TVP23C: variants seen among roughly 807,000 people sequenced by gnomAD.
TVP23C encodes the protein trans-golgi network vesicle protein 23 homolog C, also known as Golgi apparatus membrane protein TVP23 homolog C.
In TVP23C, 19 loss-of-function variants were observed where a neutral mutation model predicts 28.7. That is an observed-to-expected ratio of 0.66 (90% CI 0.46 to 0.97). The LOEUF (loss-of-function observed/expected upper bound fraction) is 0.97. Among genes scored for constraint, TVP23C ranks in the 50% least tolerant of loss-of-function variants. TVP23C has a pLI of 0.00. For synonymous variants in TVP23C, 68 were observed against 81.7 expected (o/e 0.83, Z 0.90); for missense variants, 186 against 241.3 (o/e 0.77, Z 1.52).
At chr17:15,557,727 C>T (rs1173191502) in intron 1 of TVP23C, among the ~76,000 whole-genome samples, 1 of 140,758 alleles carries the variant, frequency 7.1e-6, no homozygotes, top group African/African-American at 2.5e-5. Flanking sequence ...GTGATCAGGG[C>T]TGAGAAATCT....
At chr17:15,558,235 T>G (rs1314544978) in intron 1 of TVP23C, among the ~76,000 whole-genome samples, 1 of 144,522 alleles carries the variant, frequency 6.9e-6, no homozygotes, top group Admixed American at 7.1e-5. Context: ...CCAGGGAGAC[T>G]TTTTCACATC....
chr17:15,524,063 G>GGGGTGTGTGTGTGTGTGTGT (rs1216462843), intron 5 of TVP23C, among the ~76,000 whole-genome samples: 12 of 136,350 alleles, frequency 8.8e-5, no homozygotes, highest in African/African-American at 3.3e-4. Context: ...AGCAGAGTGG[G>GGGGTGTGTGTGTGTGTGTGT]GTGTGTGTGT....
rs1292026334 is a variant in TVP23C, at chr17:15,545,826, A to G, written c.421T>C (p.Phe141Leu). Reference sequence around the variant, plus strand: ...AAGGAGAAGAGTGCACTAAAGGCAAATATCACCCACAGTACTGAACAGGCA... The same window carrying G: ...AAGGAGAAGAGTGCACTAAAGGCAAGTATCACCCACAGTACTGAACAGGCA... ...LIACSVLWVI[F>L]AFSALFSFTV... is the part of the protein sequence containing the mutation. The change falls in exon 5 of 6, where the codon TTT (phenylalanine) becomes CTT (leucine). Residue 141 changes from phenylalanine (F) to leucine (L), a missense_variant. By Grantham distance (22) the Phe-to-Leu change is conservative (BLOSUM62 0). Transcript: ENST00000518321. 3.7e-6 allele frequency: 6 copies of G among 1,614,018 alleles called. No individual in the cohort carries two copies. The highest frequency in any genetic ancestry group is 1.7e-5 in the Admixed American group (1 of 59,994).
intron 1 of TVP23C, among the ~76,000 whole-genome samples, chr17:15,557,558 C>G (rs1200175224): frequency 6.7e-6 from 1 of 148,956 alleles, no homozygotes; most frequent in African/African-American, 2.4e-5. Context: ...CTCACCCCCC[C>G]ATAGTGCTGG....
downstream of TVP23C, among the ~76,000 whole-genome samples, chr17:15,535,390 T>C (rs930291250): frequency 8.0e-5 from 12 of 150,308 alleles, no homozygotes; most frequent in Middle Eastern, 3.4e-3. Flanking sequence ...AGAAGTCAAA[T>C]GTGCCCACAG....
intron 2 of TVP23C, among the ~76,000 whole-genome samples, chr17:15,554,537 T>G (rs1984044949): frequency 6.6e-6 from 1 of 152,178 alleles, no homozygotes; most frequent in Non-Finnish European, 1.5e-5. Context: ...GCGCCCAGCC[T>G]GTTTCTTGTT....
At position 15,537,511 on chromosome 17, in the gene TVP23C, T is replaced by G; in HGVS notation, c.*2901A>C. 1.0e-6 allele frequency: 1 copy of G among 984,862 alleles called. No homozygotes were observed. Among genetic ancestry groups the G allele is most frequent in the Non-Finnish European group, 1.2e-6 (1 of 829,406 alleles). The allele number at this position is 984,862 out of a possible 1,614,324, so 61.0% of individuals were successfully genotyped here. ...TGATTCCACTTATATTAACTGGGCC[T>G]TAAGTAGATAACTTCTTACAAACAA... On this transcript the variant is annotated 3_prime_UTR_variant, in exon 6 of 6. Coordinates refer to ENST00000518321, the MANE Select transcript of TVP23C (RefSeq NM_001135036.2).
chr17:15,528,113 T>G (rs1019028817), intron 5 of TVP23C, among the ~76,000 whole-genome samples: 13 of 152,292 alleles, frequency 8.5e-5, no homozygotes, highest in Admixed American at 2.0e-4. Context: ...TTTTCTTTCC[T>G]TTCTAATCTA....
chr17:15,556,830 T>C (rs1280758791), intron 1 of TVP23C, among the ~76,000 whole-genome samples: 7 of 152,002 alleles, frequency 4.6e-5, no homozygotes, highest in Non-Finnish European at 7.4e-5. Context: ...AATATGGAAA[T>C]CACACCATGT....
At chr17:15,548,945 G>A (rs1254509526) in intron 3 of TVP23C, among the ~76,000 whole-genome samples, 4 of 152,178 alleles carry the variant, frequency 2.6e-5, no homozygotes, top group African/African-American at 7.2e-5. Context: ...TCCTCACACA[G>A]TATCTTACTG....
Position 15,525,046 on chromosome 17 carries a change from G to C in TVP23C, c.462+20739C>G, listed in dbSNP as rs185429751. On this transcript the variant is annotated intron_variant, in intron 5 of 5. Coordinates refer to the TVP23C transcript ENST00000225576. ...GAGGTGTCTCTGTCTCCTGCTTTGAGATCAGTCCTTCCACTGCTCCATCCA... is the reference window on the plus strand; with the variant it reads ...GAGGTGTCTCTGTCTCCTGCTTTGACATCAGTCCTTCCACTGCTCCATCCA... Among the ~76,000 whole-genome samples, 80 of 152,358 alleles carry C rather than the reference G, an allele frequency of 5.3e-4. 1 individual carries two copies. The East Asian group carries it at 0.01, about 19-fold the overall frequency.
chr17:15,539,096 G>C lies in TVP23C; in HGVS notation c.*1316C>G. On this transcript the variant is annotated 3_prime_UTR_variant, in exon 6 of 6. Coordinates refer to ENST00000518321, the MANE Select transcript of TVP23C (RefSeq NM_001135036.2). ...TTTAGTTATCTAAAATGTAATCCCT[G>C]GACCAGTGCCCTCAGTACCACCCAG... 1 of 978,470 alleles carries C rather than the reference G, an allele frequency of 1.0e-6. No individual in the cohort carries two copies. The highest frequency in any genetic ancestry group is 1.2e-6 in the Non-Finnish European group (1 of 823,854). The allele number at this position is 978,470 out of a possible 1,614,324, so 60.6% of individuals were successfully genotyped here.
chr17:15,504,287 T>C (rs1012686149), intron 5 of TVP23C, among the ~76,000 whole-genome samples: 2 of 152,172 alleles, frequency 1.3e-5, no homozygotes, highest in African/African-American at 4.8e-5. Flanking sequence ...TCCCTTTTCC[T>C]CTCAGAGCCA....
At chr17:15,563,305 C>T (rs1984487585) in intron 1 of TVP23C, 132 bp downstream of exon 1, 2 of 1,483,038 alleles carry the variant, frequency 1.3e-6, no homozygotes, top group Non-Finnish European at 1.8e-6. Context: ...ACCCACAGCC[C>T]TCCACTCCCG....
Position 15,538,307 on chromosome 17 carries a change from T to C in TVP23C, c.*2105A>G, listed in dbSNP as rs564305898. On this transcript the variant is annotated 3_prime_UTR_variant, in exon 6 of 6. Coordinates refer to ENST00000518321, the MANE Select transcript of TVP23C (RefSeq NM_001135036.2). ...CAATCACATTAAAAAGTAGACATGC[T>C]AGGCTGGGCGCCGTGGCTTACACCT... 1.0e-6 allele frequency: 1 copy of C among 982,810 alleles called. No homozygotes were observed. The highest frequency in any genetic ancestry group is 1.2e-6 in the Non-Finnish European group (1 of 827,628). The allele number at this position is 982,810 out of a possible 1,614,324, so 60.9% of individuals were successfully genotyped here. A position where few individuals can be genotyped will look rare whatever the true frequency, so the allele number is the denominator to read the frequency against.
intron 3 of TVP23C, among the ~76,000 whole-genome samples, chr17:15,549,173 A>G (rs1210422297): frequency 8.5e-5 from 13 of 152,196 alleles, no homozygotes; most frequent in Non-Finnish European, 1.6e-4. Flanking sequence ...AAGATTAGGA[A>G]TCCCTGTATG....
At chr17:15,525,711 C>A (rs1177283714) in intron 5 of TVP23C, among the ~76,000 whole-genome samples, 21 of 152,274 alleles carry the variant, frequency 1.4e-4, no homozygotes, top group African/African-American at 4.8e-4. Context: ...CGTGTGCATG[C>A]GCCCACGTTC....
At chr17:15,534,958 A>T (rs2150844623), downstream of TVP23C, among the ~76,000 whole-genome samples, 1 of 151,448 alleles carries the variant, frequency 6.6e-6, no homozygotes, top group Admixed American at 6.6e-5. Context: ...ACAAGAGAGA[A>T]ACTCCATGTC....
At chr17:15,535,803 CT>C (rs1321875190), downstream of TVP23C, among the ~76,000 whole-genome samples, 1 of 152,204 alleles carries the variant, frequency 6.6e-6, no homozygotes, top group Non-Finnish European at 1.5e-5. Flanking sequence ...TCAAAGTGCA[CT>C]GTATCGACAA....
Sources: allele counts gnomAD v4.1 joint callset (sites outside exome capture counted in the v4.1 genomes callset), GRCh38; gene constraint gnomAD v4.1.1; transcripts MANE v1.5; gene names NCBI Gene and HGNC (gene_info 2026-07-23, HGNC 2026-07-21).